Variants in TDRD9 observed in about 807,000 individuals in gnomAD.
The protein encoded by TDRD9 is tudor domain containing 9.
In TDRD9, 124 loss-of-function variants were observed where a neutral mutation model predicts 172.6. The ratio of observed to expected loss-of-function variants is 0.72; its 90% CI spans 0.62 to 0.83. TDRD9 has a LOEUF of 0.83. Ranked by LOEUF, TDRD9 falls within the 40% of genes least tolerant of loss-of-function variation. The pLI is 0.00. For synonymous variants in TDRD9, 619 were observed against 617.1 expected (o/e 1.00, Z -0.05); for missense variants, 1,479 against 1,714.1 (o/e 0.86, Z 2.42).
At chr14:103,934,107 C>G (rs988207719) in intron 1 of TDRD9, among the ~76,000 whole-genome samples, 2 of 152,122 alleles carry the variant, frequency 1.3e-5, no homozygotes, top group African/African-American at 4.8e-5. Context: ...GCCTTGAACT[C>G]CTGTGCTCAA....
intron 1 of TDRD9, among the ~76,000 whole-genome samples, chr14:103,932,931 C>T (rs1282368324): frequency 6.6e-6 from 1 of 151,914 alleles, no homozygotes; most frequent in Non-Finnish European, 1.5e-5. Flanking sequence ...TGCCAGACTA[C>T]ATCATAGGTA....
intron 1 of TDRD9, among the ~76,000 whole-genome samples, chr14:103,938,408 G>A (rs1295792341): frequency 3.1e-4 from 23 of 73,348 alleles, no homozygotes; most frequent in Non-Finnish European, 4.0e-4. Flanking sequence ...GTGTGTGTGT[G>A]TGTGTGTATA....
At chr14:103,990,977 A>G (rs558923086) in intron 8 of TDRD9, among the ~76,000 whole-genome samples, 183 bp from the exon 9 acceptor site, 4 of 152,330 alleles carry the variant, frequency 2.6e-5, no homozygotes, top group African/African-American at 7.2e-5. Context: ...CTGAATGACC[A>G]TGGGGCCTTG....
At chr14:103,961,835 G>A (rs980330559) in intron 2 of TDRD9, among the ~76,000 whole-genome samples, 1 of 152,194 alleles carries the variant, frequency 6.6e-6, no homozygotes, top group Admixed American at 6.5e-5. Flanking sequence ...GGGAAAAGAT[G>A]TAGGAAAACA....
At chr14:104,023,253 A>G (rs1469918003) in intron 24 of TDRD9, among the ~76,000 whole-genome samples, 1 of 149,118 alleles carries the variant, frequency 6.7e-6, no homozygotes, top group African/African-American at 2.5e-5. Flanking sequence ...GGATTGAGTG[A>G]TATCATTGAT....
intron 1 of TDRD9, among the ~76,000 whole-genome samples, chr14:103,952,233 T>TTA: frequency 5.7e-5 from 2 of 34,846 alleles, no homozygotes; most frequent in Admixed American, 6.9e-4. Flanking sequence ...TTTTTTTTTT[T>TTA]TTTTTTTTTT....
rs373742899 is a variant in TDRD9, at chr14:104,026,988, G to A, written c.3282+49G>A. 9 of 1,586,196 alleles carry A rather than the reference G, an allele frequency of 5.7e-6. No homozygotes were observed. In the African/African-American group the frequency reaches 9.4e-5, roughly 17 times the overall value. On this transcript the variant is annotated intron_variant, in intron 28 of 35. Transcript: ENST00000409874. The stretch of plus-strand genomic sequence containing the variant: ...AGCACGCGTTTGTGTGAGAGAGAAC[G>A]GGGCAGGCTTTCCTTCCTCTGTGGA...
At chr14:103,972,471 A>ACT (rs2033076324) in intron 6 of TDRD9, among the ~76,000 whole-genome samples, 1 of 152,234 alleles carries the variant, frequency 6.6e-6, no homozygotes, top group African/African-American at 2.4e-5. Flanking sequence ...AATATCATTT[A>ACT]CTTCTTATTT....
Position 104,022,273 on chromosome 14 carries a change from C to T in TDRD9, c.2549C>T (p.Ala850Val). The T allele has an allele frequency of 1.2e-6, 2 of 1,613,676 alleles. No individual in the cohort carries two copies. Among genetic ancestry groups the T allele is most frequent in the Non-Finnish European group, 1.7e-6 (2 of 1,179,798 alleles). The change falls in exon 24 of 36, where the codon GCA becomes GTA. Residue 850 changes from alanine (A) to valine (V), a missense_variant. Around this residue, in one of 3 missense-constraint regions of TDRD9, gnomAD observed 1,413 missense variants for 1,649.1 expected, o/e 0.86. Transcript: ENST00000409874. ...KVSLELSVHS[A>V]EEIEGKVQGM... The stretch of plus-strand genomic sequence containing the variant: ...TCACTTGAACTCAGCGTTCATTCTG[C>T]AGAGGAAATTGAAGGGAAGGTGCAA...
At chr14:103,970,419 G>A in intron 5 of TDRD9, 122 bp from the exon 6 acceptor site, 1 of 683,530 alleles carries the variant, frequency 1.5e-6, no homozygotes, top group South Asian at 1.8e-5. Flanking sequence ...AGCCCCCTGA[G>A]GAACTGCATT....
At chr14:103,973,657 T>G (rs2033126104) in intron 6 of TDRD9, among the ~76,000 whole-genome samples, 1 of 152,230 alleles carries the variant, frequency 6.6e-6, no homozygotes, top group African/African-American at 2.4e-5. Context: ...CTGCACTCTG[T>G]GTCCTGCAGT....
At chr14:104,015,349 A>G (rs1022984528) in intron 21 of TDRD9, among the ~76,000 whole-genome samples, 1 of 152,326 alleles carries the variant, frequency 6.6e-6, no homozygotes, top group Middle Eastern at 3.4e-3. Flanking sequence ...GTTTCCTAGA[A>G]GGGTTGGCTG....
intron 1 of TDRD9, among the ~76,000 whole-genome samples, chr14:103,934,738 C>T (rs768706688): frequency 2.0e-5 from 3 of 152,156 alleles, no homozygotes; most frequent in Non-Finnish European, 4.4e-5. Flanking sequence ...GCTGAGATGG[C>T]GCCACTGCAC....
Position 103,959,594 on chromosome 14 carries a change from C to T in TDRD9, c.323-3485C>T, listed in dbSNP as rs1206028065. Among the ~76,000 whole-genome samples the T allele has an allele frequency of 8.6e-5, 13 of 152,042 alleles. 1 individual carries two copies. Among genetic ancestry groups the T allele is most frequent in the Admixed American group, 8.5e-4 (13 of 15,264 alleles). ...AATTCCAGTCCAGTGCCACAGGTTT[C>T]AGCATGAACATTTTGTTATATCCAG... is the stretch of plus-strand genomic sequence containing the variant. On this transcript the variant is annotated intron_variant, in intron 2 of 35. Coordinates refer to ENST00000409874, the MANE Select transcript of TDRD9 (RefSeq NM_153046.3).
At chr14:104,002,317 CAAAAAAA>C (rs200021451) in intron 13 of TDRD9, among the ~76,000 whole-genome samples, 11 of 128,802 alleles carry the variant, frequency 8.5e-5, no homozygotes, top group Middle Eastern at 3.9e-3. Flanking sequence ...GATGCTGTTT[CAAAAAAA>C]AAAAAAAAAA....
At chr14:103,935,736 C>T (rs9285602) in intron 1 of TDRD9, among the ~76,000 whole-genome samples, 51,498 of 151,928 alleles carry the variant, frequency 0.34, 8,913 homozygotes, top group Middle Eastern at 0.37. Context: ...AGACTGAGAA[C>T]AAGTGGTCAG....
intron 6 of TDRD9, among the ~76,000 whole-genome samples, chr14:103,972,179 C>T (rs1196350966): frequency 4.6e-5 from 7 of 150,798 alleles, no homozygotes; most frequent in African/African-American, 1.2e-4. Flanking sequence ...TGGTGGCGGG[C>T]GCCTGTAATC....
chr14:103,984,499 C>T (rs935149966), intron 7 of TDRD9, among the ~76,000 whole-genome samples: 6 of 152,190 alleles, frequency 3.9e-5, no homozygotes, highest in Non-Finnish European at 7.4e-5. Context: ...AAGCCTCAAG[C>T]CTTGGCAGCC....
At chr14:103,977,530 TG>T (rs1238088383) in intron 7 of TDRD9, among the ~76,000 whole-genome samples, 34 of 149,410 alleles carry the variant, frequency 2.3e-4, no homozygotes, top group African/African-American at 8.2e-4. Context: ...AAAATTGGAT[TG>T]TTTTTTGCTG....
Sources: gnomAD v4.1 joint callset for allele counts (sites outside exome capture counted in the v4.1 genomes callset) on GRCh38, gnomAD v4.1.1 for gene constraint, gnomAD v4.1.1 regional missense constraint, MANE v1.5 for transcripts, NCBI Gene and HGNC (gene_info 2026-07-23, HGNC 2026-07-21) for gene names.